The following SOX6 variants were observed in gnomAD, a reference collection of about 807,000 sequenced individuals.
The protein encoded by SOX6 is transcription factor SOX-6.
In SOX6, 11 loss-of-function variants were observed where a neutral mutation model predicts 97.8. The ratio of observed to expected loss-of-function variants is 0.11; its 90% confidence interval spans 0.07 to 0.19. The LOEUF (loss-of-function observed/expected upper bound fraction) is 0.19, where lower values mean the gene tolerates loss of function less well. Among genes scored for constraint, SOX6 ranks in the 10% least tolerant of loss-of-function variants. SOX6 has a pLI of 1.00. For missense variants in SOX6, 810 were observed against 1,039.5 expected, an observed-to-expected ratio of 0.78 and a Z score of 3.04; for synonymous variants, 360 against 371.4, an observed-to-expected ratio of 0.97 and a Z score of 0.35.
At chr11:16,144,972 A>C (rs1333673064) in intron 6 of SOX6, among the ~76,000 whole-genome samples, 2 of 152,200 alleles carry the variant, frequency 1.3e-5, no homozygotes, top group Non-Finnish European at 2.9e-5. Context: ...TCAATAGAAA[A>C]AGAGGGAATC....
chr11:16,094,850 G>A (rs1257329366), intron 9 of SOX6, among the ~76,000 whole-genome samples: 1 of 151,858 alleles, frequency 6.6e-6, no homozygotes, highest in African/African-American at 2.4e-5. Context: ...AAAGAGGGAG[G>A]CAGTTAACAA....
At position 16,718,556 on chromosome 11, in the gene SOX6, A is replaced by C. The variant is rs142069418; in HGVS notation, n.354-3651T>G. Among the ~76,000 whole-genome samples the C allele has an allele frequency of 6.5e-4, 99 of 152,342 alleles. 2 individuals carry two copies. The East Asian group carries it at 0.016, about 25-fold the overall frequency. ...TTCATTTATGTGTTTAAATTTTTTT[A>C]AATCAGTATGTACATATTATCCTGG... On this transcript the variant is annotated intron_variant and non_coding_transcript_variant, in intron 2 of 5. Coordinates refer to the SOX6 transcript ENST00000524520.
intron 4 of SOX6, among the ~76,000 whole-genome samples, chr11:16,207,585 C>G (rs1287415486): frequency 1.5e-5 from 2 of 132,510 alleles, no homozygotes; most frequent in African/African-American, 2.9e-5. Flanking sequence ...CAGAGCGAGA[C>G]TCCATCTCAA....
intron 4 of SOX6, among the ~76,000 whole-genome samples, chr11:16,557,571 A>T (rs971924431): frequency 6.6e-6 from 1 of 151,364 alleles, no homozygotes; most frequent in African/African-American, 2.4e-5. Context: ...AAATTCCATG[A>T]CTCTTTTGTT....
chr11:16,067,007 T>A (rs533619377), intron 9 of SOX6, among the ~76,000 whole-genome samples: 1 of 152,194 alleles, frequency 6.6e-6, no homozygotes, highest in African/African-American at 2.4e-5. Context: ...TTTTGGCCAA[T>A]TTCTCCCATT....
intron 12 of SOX6, among the ~76,000 whole-genome samples, chr11:16,021,959 T>C (rs1056886874): frequency 4.6e-5 from 7 of 152,144 alleles, no homozygotes; most frequent in African/African-American, 1.7e-4. Context: ...AGAATTTTTA[T>C]ATGGGTTAAG....
At chr11:16,240,251 C>A (rs1853144666) in intron 3 of SOX6, among the ~76,000 whole-genome samples, 1 of 147,904 alleles carries the variant, frequency 6.8e-6, no homozygotes. Flanking sequence ...ATGTTAATTC[C>A]AAAACCACTT....
intron 4 of SOX6, among the ~76,000 whole-genome samples, chr11:16,588,604 C>T (rs928402845): frequency 1.3e-5 from 2 of 152,150 alleles, no homozygotes; most frequent in Non-Finnish European, 2.9e-5. Context: ...ACTTGACCCC[C>T]CTCTCCTGAA....
At chr11:16,500,261 C>T (rs1474776436) in intron 4 of SOX6, among the ~76,000 whole-genome samples, 2 of 152,186 alleles carry the variant, frequency 1.3e-5, no homozygotes, top group Non-Finnish European at 2.9e-5. Flanking sequence ...AATTCAACAA[C>T]TCTTCATGCT....
At chr11:16,442,932 T>C (rs1590205512) in intron 1 of SOX6, among the ~76,000 whole-genome samples, 1 of 152,132 alleles carries the variant, frequency 6.6e-6, no homozygotes, top group Non-Finnish European at 1.5e-5. Flanking sequence ...TATCAGGAAA[T>C]AATCAAGTGC....
intron 12 of SOX6, among the ~76,000 whole-genome samples, chr11:16,043,779 A>T (rs1296027094): frequency 6.6e-6 from 1 of 152,130 alleles, no homozygotes; most frequent in Non-Finnish European, 1.5e-5. Flanking sequence ...AGCTGCTGGA[A>T]ATGCTGTTGG....
chr11:16,341,818 G>A lies in SOX6; in HGVS notation c.-4-566C>T, dbSNP rs192723040. Among the ~76,000 whole-genome samples, 7 of 152,002 alleles carry A rather than the reference G, an allele frequency of 4.6e-5. No individual in the cohort carries two copies. The East Asian group carries it at 9.7e-4, about 21-fold the overall frequency. ...CTTTGTTTACACTTTGCATTATTAGGGCTGGGCCTAACACTACTTAGTGCC... is the reference window on the plus strand; with the variant it reads ...CTTTGTTTACACTTTGCATTATTAGAGCTGGGCCTAACACTACTTAGTGCC... On this transcript the variant is annotated intron_variant, in intron 1 of 15. Coordinates refer to ENST00000683767, the MANE Select transcript of SOX6 (RefSeq NM_001367873.1).
At chr11:16,270,868 CT>C (rs1854239153) in intron 3 of SOX6, among the ~76,000 whole-genome samples, 2 of 151,176 alleles carry the variant, frequency 1.3e-5, no homozygotes, top group African/African-American at 2.4e-5. Context: ...AGTTTCAGGA[CT>C]GGGGAATGGG....
In SOX6 at chr11:16,178,342, C is replaced by A. The variant is rs1780319861; in HGVS notation, c.777+5544G>T. ...TTATTATTAAAATGTTTGAAGCAGA[C>A]TATAGAGCATCTATCATGACTTTTA... is the stretch of plus-strand genomic sequence containing the variant. On this transcript the variant is annotated intron_variant, in intron 6 of 15. Transcript: ENST00000683767. Among the ~76,000 whole-genome samples the A allele has an allele frequency of 3.3e-5, 5 of 152,060 alleles. No individual in the cohort carries two copies. The South Asian group carries it at 1.0e-3, about 31-fold the overall frequency.
intron 3 of SOX6, among the ~76,000 whole-genome samples, chr11:16,709,880 A>C (rs2134046893): frequency 6.6e-6 from 1 of 152,320 alleles, no homozygotes; most frequent in Admixed American, 6.5e-5. Flanking sequence ...CCAAAGAATG[A>C]ATATCTCACA....
intron 4 of SOX6, among the ~76,000 whole-genome samples, chr11:16,559,701 A>AAAT (rs2133190394): frequency 6.6e-6 from 1 of 152,212 alleles, no homozygotes; most frequent in Admixed American, 6.5e-5. Context: ...TCTACCTTTA[A>AAAT]AATAAAGAAA....
At chr11:16,083,936 C>T (rs2133958761) in intron 9 of SOX6, among the ~76,000 whole-genome samples, 1 of 152,268 alleles carries the variant, frequency 6.6e-6, no homozygotes, top group East Asian at 1.9e-4. Context: ...GAAGACCTTT[C>T]TAGCTCTGAA....
intron 13 of SOX6, among the ~76,000 whole-genome samples, chr11:16,014,279 C>T (rs566275644): frequency 5.9e-5 from 9 of 152,118 alleles, no homozygotes; most frequent in South Asian, 2.1e-4. Context: ...GATATTGGTG[C>T]GGGTAAACAT....
chr11:16,288,403 T>C (rs1854813609), intron 3 of SOX6, among the ~76,000 whole-genome samples: 1 of 152,000 alleles, frequency 6.6e-6, no homozygotes. Flanking sequence ...ATCCTCATAA[T>C]AGGATGGTTT....
Sources: allele counts gnomAD v4.1 joint callset (sites outside exome capture counted in the v4.1 genomes callset), GRCh38; gene constraint gnomAD v4.1.1; transcripts MANE v1.5; gene names NCBI Gene and HGNC (gene_info 2026-07-23, HGNC 2026-07-21).